Variants in FUNDC2 observed in about 807,000 individuals in gnomAD.
The protein encoded by FUNDC2 is FUN14 domain containing 2.
FUNDC2 carries 4 observed loss-of-function variants against 15.6 expected under a neutral mutation model. The observed-to-expected ratio is 0.26, with a 90% CI of 0.13 to 0.59. The LOEUF is 0.59. Among genes scored for constraint, FUNDC2 ranks in the 20% least tolerant of loss-of-function variants. FUNDC2 has a pLI of 0.90. For missense variants in FUNDC2, 98 were observed against 149.7 expected (o/e 0.65, Z 1.80); for synonymous variants, 44 against 56.9 (o/e 0.77, Z 1.02).
At chrX:155,043,677 C>G (rs782365647) in intron 2 of FUNDC2, among the ~76,000 whole-genome samples, 2 of 112,034 alleles carry the variant, frequency 1.8e-5, no homozygotes. Context: ...AAATCTGTAA[C>G]CATTCTAAAT....
rs1243701383 is a variant in FUNDC2 at position 155,055,939 on chromosome X, G to A, written c.*1267G>A. On this transcript the variant is annotated 3_prime_UTR_variant, in exon 5 of 5. Coordinates refer to ENST00000369498, the MANE Select transcript of FUNDC2 (RefSeq NM_023934.4). ...TTTAAAAATGTTTGCATTTTAACCC[G>A]TCTTGAGAATGATGTATTGAATTTG... 1.8e-5 allele frequency: 2 copies of A among 112,067 alleles called. No homozygotes were observed. The highest frequency in any genetic ancestry group is 9.4e-5 in the Admixed American group (1 of 10,594). 9.2% of individuals were successfully genotyped at this position (112,067 alleles called of 1,213,427 possible). A position where few individuals can be genotyped will look rare whatever the true frequency, so the allele number is the denominator to read the frequency against.
At chrX:155,050,357 C>G (rs973767607) in intron 3 of FUNDC2, 10 of 111,857 alleles carry the variant, frequency 8.9e-5, no homozygotes, top group African/African-American at 2.6e-4. Flanking sequence ...GCAGGAAAAG[C>G]AGGAAACACG....
At chrX:155,033,754 G>A (rs2073823148) in intron 2 of FUNDC2, among the ~76,000 whole-genome samples, 1 of 112,324 alleles carries the variant, frequency 8.9e-6, no homozygotes, top group Admixed American at 9.4e-5. Context: ...GCCAGGTTCT[G>A]TTTGAAGTAT....
Position 155,055,553 on chromosome X carries a change from A to T in FUNDC2, c.*881A>T. On this transcript the variant is annotated 3_prime_UTR_variant, in exon 5 of 5. Coordinates refer to ENST00000369498, the MANE Select transcript of FUNDC2 (RefSeq NM_023934.4). ...GAAAGATAGTGATAGGACATGAGAA[A>T]TAAATTTCCATCAAGTGTAATCTAC... 3.8e-6 allele frequency: 1 copy of T among 262,201 alleles called. No individual in the cohort carries two copies. Among genetic ancestry groups the T allele is most frequent in the Non-Finnish European group, 6.7e-6 (1 of 148,373 alleles). 21.6% of individuals were successfully genotyped at this position (262,201 alleles called of 1,213,427 possible). A position where few individuals can be genotyped will look rare whatever the true frequency, so the allele number is the denominator to read the frequency against.
intron 3 of FUNDC2, chrX:155,048,972 G>A (rs782372535): frequency 1.1e-4 from 12 of 112,309 alleles, no homozygotes; most frequent in Admixed American, 1.9e-4. Context: ...TCTTGTCTGG[G>A]ATTCTTTTGG....
chrX:155,055,225 A>T lies in FUNDC2; in HGVS notation c.*553A>T. 1 of 298,192 alleles carries T rather than the reference A, an allele frequency of 3.4e-6. No homozygotes were observed. The highest frequency in any genetic ancestry group is 5.9e-6 in the Non-Finnish European group (1 of 170,825). 24.6% of individuals were successfully genotyped at this position (298,192 alleles called of 1,213,427 possible). ...TGGCAGCATAATTACTGTAATTGAA[A>T]AATCTGATATTGTCCAGGAATGCTT... On this transcript the variant is annotated 3_prime_UTR_variant, in exon 5 of 5. Coordinates refer to ENST00000369498, the MANE Select transcript of FUNDC2 (RefSeq NM_023934.4).
intron 1 of FUNDC2, among the ~76,000 whole-genome samples, chrX:155,029,753 CAAAAAAA>C (rs59625612): frequency 3.0e-5 from 2 of 66,361 alleles, no homozygotes; most frequent in Non-Finnish European, 5.8e-5. Flanking sequence ...AACTCTATCT[CAAAAAAA>C]AAAAAAAAAA....
intron 1 of FUNDC2, chrX:155,027,324 GC>G: frequency 2.1e-5 from 5 of 237,073 alleles, no homozygotes; most frequent in Non-Finnish European, 7.7e-6. Context: ...TTCCGGCGCC[GC>G]CCCCGGCGCA....
intron 3 of FUNDC2, chrX:155,050,600 T>C (rs2073876903): frequency 8.9e-6 from 1 of 112,562 alleles, no homozygotes; most frequent in Non-Finnish European, 1.9e-5. Flanking sequence ...AGTAATATTC[T>C]ATTGTGTAAA....
chrX:155,041,691 T>A (rs1431347102), intron 2 of FUNDC2, among the ~76,000 whole-genome samples: 1 of 111,770 alleles, frequency 8.9e-6, no homozygotes, highest in African/African-American at 3.3e-5. Flanking sequence ...GGCTTTGTAT[T>A]ATTTTCTGTG....
intron 2 of FUNDC2, among the ~76,000 whole-genome samples, chrX:155,035,015 C>T (rs888734097): frequency 1.8e-5 from 2 of 111,587 alleles, no homozygotes; most frequent in African/African-American, 3.3e-5. Context: ...GTTATCTTTT[C>T]GTTTTATGGT....
In FUNDC2 at chrX:155,041,205, ATCT is replaced by A. The variant is rs1211970293; in HGVS notation, c.285-5300_285-5298del. Among the ~76,000 whole-genome samples the A allele has an allele frequency of 4.5e-5, 5 of 111,889 alleles. No individual in the cohort carries two copies. The East Asian group carries it at 8.3e-4, about 19-fold the overall frequency. On this transcript the variant is annotated intron_variant, in intron 2 of 4. Coordinates refer to ENST00000369498, the MANE Select transcript of FUNDC2 (RefSeq NM_023934.4). ...GGTTGCTTTAGGGTTTATAGGAGAC[ATCT>A]TCTACTCGTAGTCTGCCTTCAAGAA... is the stretch of plus-strand genomic sequence containing the variant.
At chrX:155,040,605 T>C (rs1391070723) in intron 2 of FUNDC2, among the ~76,000 whole-genome samples, 2 of 112,348 alleles carry the variant, frequency 1.8e-5, no homozygotes, top group African/African-American at 6.5e-5. Context: ...ATCTGGGGTA[T>C]TTCCACCTTT....
chrX:155,054,788 C>A lies in FUNDC2; in HGVS notation c.*116C>A. ...TCCCATGCCTTCTTCCCTGCCATGG[C>A]AAATCTGAGTGGCTTCTCTAAGCAT... On this transcript the variant is annotated 3_prime_UTR_variant, in exon 5 of 5. Coordinates refer to ENST00000369498, the MANE Select transcript of FUNDC2 (RefSeq NM_023934.4). The A allele has an allele frequency of 1.6e-6, 1 of 631,091 alleles. No homozygotes were observed. The allele number at this position is 631,091 out of a possible 1,213,427, so 52.0% of individuals were successfully genotyped here.
intron 2 of FUNDC2, 78 bp from the exon 3 acceptor site, chrX:155,046,428 AGAT>A: frequency 3.4e-6 from 3 of 874,776 alleles, no homozygotes; most frequent in Non-Finnish European, 5.1e-6. Flanking sequence ...AAGCTAAGTA[AGAT>A]ATGAACATTG....
chrX:155,029,958 CAGGTCTTGT>C (rs1328205798), intron 1 of FUNDC2, among the ~76,000 whole-genome samples: 1 of 110,830 alleles, frequency 9.0e-6, no homozygotes, highest in Non-Finnish European at 1.9e-5. Flanking sequence ...TTACAGTGAA[CAGGTCTTGT>C]GCATCTTTCA....
At position 155,054,823 on chromosome X, in the gene FUNDC2, C is replaced by A. The variant is rs1366255200; in HGVS notation, c.*151C>A. 2 of 499,975 alleles carry A rather than the reference C, an allele frequency of 4.0e-6. No homozygotes were observed. Among genetic ancestry groups the A allele is most frequent in the Middle Eastern group, 5.7e-4 (1 of 1,757 alleles). 41.2% of individuals were successfully genotyped at this position (499,975 alleles called of 1,213,427 possible). A position where few individuals can be genotyped will look rare whatever the true frequency, so the allele number is the denominator to read the frequency against. ...TGGCTTCTCTAAGCATCTGCTGGTA[C>A]AAGTCAATGTGGCACCATGAGCTTC... is the stretch of plus-strand genomic sequence containing the variant. On this transcript the variant is annotated 3_prime_UTR_variant, in exon 5 of 5. Coordinates refer to ENST00000369498, the MANE Select transcript of FUNDC2 (RefSeq NM_023934.4).
At chrX:155,043,081 G>A (rs186062689) in intron 2 of FUNDC2, among the ~76,000 whole-genome samples, 24 of 111,152 alleles carry the variant, frequency 2.2e-4, no homozygotes, top group Non-Finnish European at 3.8e-5. Context: ...AACTGCAGGT[G>A]CATGCTACCG....
At chrX:155,028,086 A>ATAGCCTTTTATAAGAGCAGACTGCTCTTC (rs2073801325) in intron 1 of FUNDC2, among the ~76,000 whole-genome samples, 1 of 112,349 alleles carries the variant, frequency 8.9e-6, no homozygotes, top group African/African-American at 3.2e-5. Flanking sequence ...GACTGCTCTT[A>ATAGCCTTTTATAAGAGCAGACTGCTCTTC]TAGACTTTTA....
Sources: gnomAD v4.1 joint callset for allele counts (sites outside exome capture counted in the v4.1 genomes callset) on GRCh38, gnomAD v4.1.1 for gene constraint, MANE v1.5 for transcripts, NCBI Gene and HGNC (gene_info 2026-07-23, HGNC 2026-07-21) for gene names.